The following AGBL1 variants were observed in gnomAD, a reference collection of about 807,000 sequenced individuals.
AGBL1 encodes AGBL carboxypeptidase 1.
Under a neutral mutation model 118.9 loss-of-function variants are expected in AGBL1, and 130 were observed. The observed-to-expected ratio is 1.09, with a 90% CI of 0.95 to 1.26. The LOEUF is 1.26. Ranked by LOEUF, AGBL1 falls within the 50% of genes most tolerant of loss-of-function variation. The pLI, the probability that AGBL1 is intolerant of heterozygous loss-of-function variation, is 0.00. For synonymous variants in AGBL1, 555 were observed against 478.9 expected, an observed-to-expected ratio of 1.16 and a Z score of -2.08; for missense variants, 1,584 against 1,298.1, an observed-to-expected ratio of 1.22 and a Z score of -3.38.
chr15:86,135,833 C>T (rs111318701), intron 1 of AGBL1, among the ~76,000 whole-genome samples: 1 of 152,140 alleles, frequency 6.6e-6, no homozygotes, highest in African/African-American at 2.4e-5. Flanking sequence ...TTTGATTAAT[C>T]AATAGAATGT....
chr15:86,749,809 C>T (rs1416660190), intron 22 of AGBL1, among the ~76,000 whole-genome samples: 2 of 152,118 alleles, frequency 1.3e-5, no homozygotes, highest in Non-Finnish European at 2.9e-5. Flanking sequence ...TGCTGGATTA[C>T]TTTTATTGAT....
chr15:86,749,807 T>G (rs914390924), intron 22 of AGBL1, among the ~76,000 whole-genome samples: 2 of 152,196 alleles, frequency 1.3e-5, no homozygotes, highest in African/African-American at 4.8e-5. Flanking sequence ...TATGCTGGAT[T>G]ACTTTTATTG....
intron 19 of AGBL1, among the ~76,000 whole-genome samples, chr15:86,534,363 A>G (rs2083393610): frequency 6.6e-6 from 1 of 152,190 alleles, no homozygotes; most frequent in Non-Finnish European, 1.5e-5. Flanking sequence ...TTTCCCTTGG[A>G]TTTTATTCTA....
chr15:86,818,686 G>A (rs2078898952), intron 22 of AGBL1, among the ~76,000 whole-genome samples: 1 of 152,166 alleles, frequency 6.6e-6, no homozygotes, highest in Admixed American at 6.6e-5. Flanking sequence ...GATGGTGATA[G>A]TGGGAGTTGA....
intron 24 of AGBL1, among the ~76,000 whole-genome samples, chr15:86,988,885 GTATT>G (rs1490543768): frequency 6.6e-6 from 1 of 150,930 alleles, no homozygotes; most frequent in Non-Finnish European, 1.5e-5. Context: ...TTTATGACAA[GTATT>G]TATTCATTTT....
At chr15:86,810,288 G>T (rs900131404) in intron 22 of AGBL1, among the ~76,000 whole-genome samples, 2 of 152,072 alleles carry the variant, frequency 1.3e-5, no homozygotes, top group Admixed American at 1.3e-4. Flanking sequence ...AGTGAGTAGA[G>T]GTTTTCTGAT....
intron 1 of AGBL1, among the ~76,000 whole-genome samples, chr15:86,085,380 T>G (rs981570359): frequency 4.6e-5 from 7 of 152,096 alleles, no homozygotes; most frequent in African/African-American, 1.7e-4. Flanking sequence ...AAGATGGAGA[T>G]GGAAGTTTGG....
At chr15:86,323,918 G>T (rs1425416363) in intron 17 of AGBL1, among the ~76,000 whole-genome samples, 1 of 152,150 alleles carries the variant, frequency 6.6e-6, no homozygotes, top group Non-Finnish European at 1.5e-5. Flanking sequence ...TTTTTGGAAA[G>T]GATGTAATTT....
chr15:86,657,958 A>G (rs745800867), intron 21 of AGBL1, among the ~76,000 whole-genome samples: 10 of 152,192 alleles, frequency 6.6e-5, no homozygotes, highest in Admixed American at 1.3e-4. Context: ...AAGATGCTCA[A>G]CTTCTCTCAA....
chr15:86,135,034 C>T (rs1006472599), intron 1 of AGBL1, among the ~76,000 whole-genome samples: 7 of 152,102 alleles, frequency 4.6e-5, no homozygotes, highest in Non-Finnish European at 1.0e-4. Context: ...CCTAATGGGG[C>T]GCTGGGGCCT....
At chr15:86,758,416 C>G (rs1044830827) in intron 22 of AGBL1, among the ~76,000 whole-genome samples, 1 of 152,008 alleles carries the variant, frequency 6.6e-6, no homozygotes, top group African/African-American at 2.4e-5. Context: ...TTCCGTAGTA[C>G]CATGTATCAT....
chr15:86,430,444 G>A (rs996954913), intron 18 of AGBL1, among the ~76,000 whole-genome samples: 2 of 149,526 alleles, frequency 1.3e-5, no homozygotes, highest in East Asian at 2.0e-4. Flanking sequence ...GCAGTGAGCC[G>A]AGATCACGCC....
chr15:86,890,412 T>C (rs1350302637), intron 22 of AGBL1, among the ~76,000 whole-genome samples: 5 of 152,204 alleles, frequency 3.3e-5, no homozygotes, highest in African/African-American at 9.6e-5. Flanking sequence ...ACTCCATTTG[T>C]CAACTTTTGC....
At chr15:86,436,498 G>T (rs1040031311) in intron 18 of AGBL1, among the ~76,000 whole-genome samples, 7 of 152,084 alleles carry the variant, frequency 4.6e-5, no homozygotes, top group Non-Finnish European at 1.0e-4. Context: ...TGTGCAAGAA[G>T]AGTTTCAGGG....
chr15:86,273,054 C>T (rs1407343806), intron 15 of AGBL1, among the ~76,000 whole-genome samples: 1 of 152,180 alleles, frequency 6.6e-6, no homozygotes, highest in Non-Finnish European at 1.5e-5. Context: ...TAGTTATTCT[C>T]AGTAAATCTG....
chr15:86,787,065 C>G (rs2078422962), intron 22 of AGBL1, among the ~76,000 whole-genome samples: 2 of 152,066 alleles, frequency 1.3e-5, no homozygotes, highest in Non-Finnish European at 2.9e-5. Context: ...AGGGTTATTA[C>G]TGATTCTTTT....
At chr15:86,448,250 G>T (rs890490906) in intron 18 of AGBL1, among the ~76,000 whole-genome samples, 1 of 152,202 alleles carries the variant, frequency 6.6e-6, no homozygotes, top group Non-Finnish European at 1.5e-5. Flanking sequence ...AGATGTAGAG[G>T]AGGTAGTATT....
chr15:86,689,007 CT>C (rs1288036251), intron 22 of AGBL1, among the ~76,000 whole-genome samples: 2 of 152,114 alleles, frequency 1.3e-5, no homozygotes, highest in Non-Finnish European at 2.9e-5. Context: ...CAGCATAATA[CT>C]TTTGCGAATT....
chr15:86,576,921 A>C (rs549345254), intron 21 of AGBL1, among the ~76,000 whole-genome samples: 1 of 152,294 alleles, frequency 6.6e-6, no homozygotes, highest in Non-Finnish European at 1.5e-5. Flanking sequence ...AAGTCCAATA[A>C]ACCTCTTTCT....
Sources: allele counts gnomAD v4.1 joint callset (sites outside exome capture counted in the v4.1 genomes callset), GRCh38; gene constraint gnomAD v4.1.1; transcripts MANE v1.5; gene names NCBI Gene and HGNC (gene_info 2026-07-23, HGNC 2026-07-21).